IRF2BP2: variants seen among roughly 807,000 people sequenced by gnomAD.
IRF2BP2 encodes interferon regulatory factor 2 binding protein 2.
IRF2BP2 carries 13 observed loss-of-function variants against 32.7 expected under a neutral mutation model. The ratio of observed to expected loss-of-function variants is 0.40; its 90% CI spans 0.26 to 0.63. The LOEUF (loss-of-function observed/expected upper bound fraction) is 0.63. Among genes scored for constraint, IRF2BP2 ranks in the 30% least tolerant of loss-of-function variants. The pLI, the probability that IRF2BP2 is intolerant of heterozygous loss-of-function variation, is 0.42. For synonymous variants in IRF2BP2, 555 were observed against 384.6 expected (o/e 1.44, Z -5.18); for missense variants, 980 against 830.6 (o/e 1.18, Z -2.21).
chr1:234,606,921 G>A lies in IRF2BP2; in HGVS notation c.*216C>T, dbSNP rs1026519105. On this transcript the variant is annotated 3_prime_UTR_variant, in exon 2 of 2. Transcript: ENST00000366609. ...TAAAGCACAAAGATATGCTAATAAC[G>A]TTAACAAAAGAAAAAAATGTCTTTA... The A allele has an allele frequency of 2.2e-6, 1 of 444,454 alleles. No individual in the cohort carries two copies. Among genetic ancestry groups the A allele is most frequent in the African/African-American group, 2.0e-5 (1 of 50,708 alleles). 27.5% of individuals were successfully genotyped at this position (444,454 alleles called of 1,614,324 possible). A position where few individuals can be genotyped will look rare whatever the true frequency, so the allele number is the denominator to read the frequency against.
At position 234,609,082 on chromosome 1, in the gene IRF2BP2, G is replaced by C; in HGVS notation, c.413C>G (p.Pro138Arg). The change falls in exon 1 of 2, where the codon CCG becomes CGG. Residue 138 changes from proline (P) to arginine (R), a missense_variant. Pro to Arg is a moderately radical substitution (Grantham distance 103). Transcript: ENST00000366609. ...CGGCGGCTGGGCCAGGCTCGCTGCC[G>C]GGCGGCTGCTGCCGAAGTCAGAGCC... The part of the protein sequence containing the change: ...RLGSDFGSSR[P>R]AASLAQPPTP... The C allele has an allele frequency of 1.6e-6, 2 of 1,247,142 alleles. No homozygotes were observed. Among genetic ancestry groups the C allele is most frequent in the Non-Finnish European group, 2.0e-6 (2 of 998,258 alleles). The allele number at this position is 1,247,142 out of a possible 1,614,324, so 77.3% of individuals were successfully genotyped here. A position where few individuals can be genotyped will look rare whatever the true frequency, so the allele number is the denominator to read the frequency against.
chr1:234,608,689 G>A lies in IRF2BP2; in HGVS notation c.806C>T (p.Pro269Leu). The A allele has an allele frequency of 2.7e-6, 4 of 1,506,918 alleles. No homozygotes were observed. The highest frequency in any genetic ancestry group is 1.3e-5 in the South Asian group (1 of 79,426). 93.3% of individuals were successfully genotyped at this position (1,506,918 alleles called of 1,614,324 possible). Residue 269 changes from proline (P) to leucine (L), a missense_variant, in exon 1 of 2, where the codon CCG becomes CTG. Physicochemically the swap from Pro to Leu is moderately conservative, Grantham distance 98. Coordinates refer to ENST00000366609, the MANE Select transcript of IRF2BP2 (RefSeq NM_182972.3). ...GGCCGCGGTGGACAGGCTGTCGGCC[G>A]GGCCCCGGTGCGCAGGCGGCGGCGG... is the stretch of plus-strand genomic sequence containing the variant. ...KQPPPPAHRG[P>L]ADSLSTAAGA...
chr1:234,607,006 C>CA lies in IRF2BP2; in HGVS notation c.*130dup, dbSNP rs1224667296. 5.0e-5 allele frequency: 36 copies of CA among 715,788 alleles called. No homozygotes were observed. The African/African-American group carries it at 5.7e-4, about 11-fold the overall frequency. 44.3% of individuals were successfully genotyped at this position (715,788 alleles called of 1,614,324 possible). On this transcript the variant is annotated 3_prime_UTR_variant, in exon 2 of 2. Transcript: ENST00000366609. The stretch of plus-strand genomic sequence containing the variant: ...GAAACACAATGTATTCAAAAAAAAT[C>CA]AAAATTATACAGCCATGTTTATGAA...
In IRF2BP2 at chr1:234,605,285, G is replaced by A. The variant is rs1254700574; in HGVS notation, c.*1852C>T. 6 of 152,216 alleles carry A rather than the reference G, an allele frequency of 3.9e-5. No homozygotes were observed. The highest frequency in any genetic ancestry group is 6.5e-5 in the Admixed American group (1 of 15,292). 9.4% of individuals were successfully genotyped at this position (152,216 alleles called of 1,614,324 possible). A position where few individuals can be genotyped will look rare whatever the true frequency, so the allele number is the denominator to read the frequency against. ...TTTCTGCATGTGTGCATTCACATAA[G>A]AGAGACCAGTCTGCACTGAGTCATA... On this transcript the variant is annotated 3_prime_UTR_variant, in exon 2 of 2. Transcript: ENST00000366609.
chr1:234,609,156 G>A lies in IRF2BP2; in HGVS notation c.339C>T (p.Ala113=), dbSNP rs879753707. The A allele has an allele frequency of 1.6e-6, 2 of 1,271,788 alleles. No homozygotes were observed. The highest frequency in any genetic ancestry group is 4.3e-5 in the Admixed American group (1 of 23,194). The allele number at this position is 1,271,788 out of a possible 1,614,324, so 78.8% of individuals were successfully genotyped here. Residue 113 remains alanine, a synonymous_variant, in exon 1 of 2, where the codon GCC becomes GCT. Coordinates refer to ENST00000366609, the MANE Select transcript of IRF2BP2 (RefSeq NM_182972.3). ...GPEAAPRAPQ[A]LERYPLAAAA... Reference sequence around the variant, plus strand: ...CGGCCGCCAACGGGTAGCGCTCCAAGGCCTGCGGCGCGCGCGGGGCCGCCT... The same window carrying A: ...CGGCCGCCAACGGGTAGCGCTCCAAAGCCTGCGGCGCGCGCGGGGCCGCCT...
At position 234,606,214 on chromosome 1, in the gene IRF2BP2, T is replaced by G. The variant is rs527656019; in HGVS notation, c.*923A>C. 5 of 152,360 alleles carry G rather than the reference T, an allele frequency of 3.3e-5. No homozygotes were observed. The highest frequency in any genetic ancestry group is 1.2e-4 in the African/African-American group (5 of 41,564). The allele number at this position is 152,360 out of a possible 1,614,324, so 9.4% of individuals were successfully genotyped here. A position where few individuals can be genotyped will look rare whatever the true frequency, so the allele number is the denominator to read the frequency against. ...CCAAGTTCACCTGGACTGTAACTTCTCTTGCAACTCTTTCAAAATAAAGGA... is the reference window on the plus strand; with the variant it reads ...CCAAGTTCACCTGGACTGTAACTTCGCTTGCAACTCTTTCAAAATAAAGGA... On this transcript the variant is annotated 3_prime_UTR_variant, in exon 2 of 2. Coordinates refer to ENST00000366609, the MANE Select transcript of IRF2BP2 (RefSeq NM_182972.3).
rs971009820 is a variant in IRF2BP2, at chr1:234,605,365, T to C, written c.*1772A>G. The stretch of plus-strand genomic sequence containing the variant: ...CAACTGGTTAATCATGCAAGTCTGT[T>C]TGTAATATAACAATGACTGGTAAAA... On this transcript the variant is annotated 3_prime_UTR_variant, in exon 2 of 2. Transcript: ENST00000366609. 6.6e-6 allele frequency: 1 copy of C among 152,274 alleles called. No homozygotes were observed. The highest frequency in any genetic ancestry group is 1.5e-5 in the Non-Finnish European group (1 of 68,048). 9.4% of individuals were successfully genotyped at this position (152,274 alleles called of 1,614,324 possible). A position where few individuals can be genotyped will look rare whatever the true frequency, so the allele number is the denominator to read the frequency against.
Position 234,608,595 on chromosome 1 carries a change from G to A in IRF2BP2, c.900C>T (p.Asn300=), listed in dbSNP as rs747206042. 1.9e-6 allele frequency: 3 copies of A among 1,601,156 alleles called. No homozygotes were observed. The South Asian group carries it at 3.4e-5, about 18-fold the overall frequency. ...SRGSGEQDWV[N]RPKTVRDTLL... ...GCGTGTCGCGCACGGTCTTGGGCCT[G>A]TTGACCCAGTCCTGCTCTCCAGACC... Residue 300 remains asparagine, a synonymous_variant, in exon 1 of 2, where the codon AAC becomes AAT. Transcript: ENST00000366609.
In IRF2BP2 at chr1:234,609,563, C is replaced by G. The variant is rs2102770632; in HGVS notation, c.-69G>C. The G allele has an allele frequency of 5.2e-6, 5 of 965,410 alleles. 1 individual carries two copies. The South Asian group carries it at 1.2e-4, about 24-fold the overall frequency. The allele number at this position is 965,410 out of a possible 1,614,324, so 59.8% of individuals were successfully genotyped here. On this transcript the variant is annotated 5_prime_UTR_variant, in exon 1 of 2. Transcript: ENST00000366609. ...GAGGGGGCGCCGCCGCCGCCCCCCACCGGCACCACGCGCGCCCTCCTCCCC... is the reference window on the plus strand; with the variant it reads ...GAGGGGGCGCCGCCGCCGCCCCCCAGCGGCACCACGCGCGCCCTCCTCCCC...
At position 234,608,468 on chromosome 1, in the gene IRF2BP2, C is replaced by A; in HGVS notation, c.1027G>T (p.Gly343Trp). ...AGRLLGFEAN[G>W]ANGSKAVART... Reference sequence around the variant, plus strand: ...CTACCTGCTTTAGACCCGTTGGCCCCGTTGGCCTCGAAACCCAACAACCTG... The same window carrying A: ...CTACCTGCTTTAGACCCGTTGGCCCAGTTGGCCTCGAAACCCAACAACCTG... Residue 343 changes from glycine to tryptophan, a missense_variant, in exon 1 of 2, where the codon GGG (glycine) becomes TGG (tryptophan). Gly to Trp is a radical substitution (Grantham distance 184). Coordinates refer to ENST00000366609, the MANE Select transcript of IRF2BP2 (RefSeq NM_182972.3). The A allele has an allele frequency of 6.3e-7, 1 of 1,591,610 alleles. No homozygotes were observed. Among genetic ancestry groups the A allele is most frequent in the Non-Finnish European group, 8.6e-7 (1 of 1,167,434 alleles).
intron 1 of IRF2BP2, 144 bp from the exon 2 acceptor site, chr1:234,607,996 T>C (rs1275468158): frequency 9.1e-6 from 6 of 657,096 alleles, no homozygotes; most frequent in Middle Eastern, 4.2e-4. Context: ...CATATACGAG[T>C]TTCAGGTGCA....
chr1:234,609,051 C>T lies in IRF2BP2; in HGVS notation c.444G>A (p.Pro148=), dbSNP rs755533016. The change falls in exon 1 of 2, where the codon CCG becomes CCA. Residue 148 remains proline (P), a synonymous_variant. Transcript: ENST00000366609. The part of the protein sequence containing the change: ...PAASLAQPPT[P]QPPPVNGILV... ...GGATGCCGTTCACGGGCGGCGGCTG[C>T]GGCGTCGGCGGCTGGGCCAGGCTCG... The T allele has an allele frequency of 1.6e-6, 2 of 1,285,904 alleles. No homozygotes were observed. Among genetic ancestry groups the T allele is most frequent in the South Asian group, 2.8e-5 (1 of 36,126 alleles). The allele number at this position is 1,285,904 out of a possible 1,614,324, so 79.7% of individuals were successfully genotyped here.
Position 234,609,639 on chromosome 1 carries a change from C to T in IRF2BP2, c.-145G>A, listed in dbSNP as rs1244352246. ...GCGGCGGCGGCGGCCGCAAAGGCGG[C>T]GGCGGCGGCGGCAAAGCCCGCGAAG... On this transcript the variant is annotated 5_prime_UTR_variant, in exon 1 of 2. Transcript: ENST00000366609. The T allele has an allele frequency of 2.4e-5, 7 of 288,680 alleles. No homozygotes were observed. Among genetic ancestry groups the T allele is most frequent in the African/African-American group, 7.0e-5 (3 of 43,086 alleles). 17.9% of individuals were successfully genotyped at this position (288,680 alleles called of 1,614,324 possible).
In IRF2BP2 at chr1:234,608,855, C is replaced by T. The variant is rs775860106; in HGVS notation, c.640G>A (p.Ala214Thr). The part of the protein sequence containing the change: ...GLGGRAAASL[A>T]AVSGTAAASL... ...GCGGCCGCGGTTCCGGACACCGCGG[C>T]TAAGGAGGCGGCAGCGCGGCCGCCG... Residue 214 changes from alanine (A) to threonine (T), a missense_variant, in exon 1 of 2, where the codon GCC becomes ACC. By Grantham distance (58) the Ala-to-Thr change is moderately conservative (BLOSUM62 0). Transcript: ENST00000366609. 2.6e-5 allele frequency: 34 copies of T among 1,326,650 alleles called. No individual in the cohort carries two copies. Among genetic ancestry groups the T allele is most frequent in the Middle Eastern group, 2.7e-4 (1 of 3,642 alleles). 82.2% of individuals were successfully genotyped at this position (1,326,650 alleles called of 1,614,324 possible). A position where few individuals can be genotyped will look rare whatever the true frequency, so the allele number is the denominator to read the frequency against.
Position 234,609,132 on chromosome 1 carries a change from G to A in IRF2BP2, c.363C>T (p.Ala121=), listed in dbSNP as rs571533999. The change falls in exon 1 of 2, where the codon GCC becomes GCT. Residue 121 remains alanine, a synonymous_variant. Transcript: ENST00000366609. ...CGAGGCGCGGGGGCCTCTCGGCCGC[G>A]GCCGCCAACGGGTAGCGCTCCAAGG... ...PQALERYPLA[A]AAERPPRLGS... is the part of the protein sequence containing the mutation. 225 of 1,228,378 alleles carry A rather than the reference G, an allele frequency of 1.8e-4. No individual in the cohort carries two copies. In the African/African-American group the frequency reaches 3.2e-3, roughly 18 times the overall value. The allele number at this position is 1,228,378 out of a possible 1,614,324, so 76.1% of individuals were successfully genotyped here.
At chr1:234,607,977 G>GA in intron 1 of IRF2BP2, 125 bp from the exon 2 acceptor site, 1 of 745,734 alleles carries the variant, frequency 1.3e-6, no homozygotes, top group Non-Finnish European at 2.1e-6. Flanking sequence ...AGCACAGACA[G>GA]AAAATACTCA....
chr1:234,608,365 T>C lies in IRF2BP2; in HGVS notation c.1048+82A>G, dbSNP rs538222574. 1.0e-5 allele frequency: 12 copies of C among 1,158,994 alleles called. No individual in the cohort carries two copies. The South Asian group carries it at 1.6e-4, about 15-fold the overall frequency. 71.8% of individuals were successfully genotyped at this position (1,158,994 alleles called of 1,614,324 possible). On this transcript the variant is annotated intron_variant, in intron 1 of 1. Transcript: ENST00000366609. ...TTGTTGTTTCTGGGCTGGGGTAAAA[T>C]GGTGAATCCAAAGAACCACCCTTCC... is the stretch of plus-strand genomic sequence containing the variant.
At position 234,608,618 on chromosome 1, in the gene IRF2BP2, A is replaced by C. The variant is rs149509150; in HGVS notation, c.877T>G (p.Ser293Ala). 10 of 1,574,864 alleles carry C rather than the reference A, an allele frequency of 6.3e-6. No homozygotes were observed. The South Asian group carries it at 1.2e-4, about 18-fold the overall frequency. Residue 293 changes from serine to alanine, a missense_variant, in exon 1 of 2, where the codon TCT becomes GCT. Coordinates refer to ENST00000366609, the MANE Select transcript of IRF2BP2 (RefSeq NM_182972.3). ...SAEGAGKSRG[S>A]GEQDWVNRPK... ...CTGTTGACCCAGTCCTGCTCTCCAG[A>C]CCCGCGGCTCTTGCCCGCACCTTCC... is the stretch of plus-strand genomic sequence containing the variant.
rs1468493818 is a variant in IRF2BP2 at position 234,609,133 on chromosome 1, G to A, written c.362C>T (p.Ala121Val). Residue 121 changes from alanine (A) to valine (V), a missense_variant, in exon 1 of 2, where the codon GCC becomes GTC. Ala to Val is a moderately conservative substitution (Grantham distance 64, BLOSUM62 0). Transcript: ENST00000366609. ...PQALERYPLAAAAERPPRLGS... is the reference protein window; with the variant it reads ...PQALERYPLAVAAERPPRLGS... Reference sequence around the variant, plus strand: ...GAGGCGCGGGGGCCTCTCGGCCGCGGCCGCCAACGGGTAGCGCTCCAAGGC... The same window carrying A: ...GAGGCGCGGGGGCCTCTCGGCCGCGACCGCCAACGGGTAGCGCTCCAAGGC... The A allele has an allele frequency of 9.0e-6, 11 of 1,228,854 alleles. No homozygotes were observed. Among genetic ancestry groups the A allele is most frequent in the South Asian group, 3.6e-5 (1 of 27,776 alleles). 76.1% of individuals were successfully genotyped at this position (1,228,854 alleles called of 1,614,324 possible).
Sources: allele counts gnomAD v4.1 joint callset, GRCh38; gene constraint gnomAD v4.1.1; transcripts MANE v1.5; gene names NCBI Gene and HGNC (gene_info 2026-07-23, HGNC 2026-07-21).